ECT2: variants seen among roughly 807,000 people sequenced by gnomAD.
ECT2 encodes the protein protein ECT2.
Under a neutral mutation model 116.9 loss-of-function variants are expected in ECT2, and 61 were observed. That is an observed-to-expected ratio of 0.52 (90% CI 0.42 to 0.65). The LOEUF (loss-of-function observed/expected upper bound fraction) is 0.65. Among genes scored for constraint, ECT2 ranks in the 30% least tolerant of loss-of-function variants. The probability of loss-of-function intolerance (pLI) is 0.00; values close to 1 mark genes in which losing one functional copy is unlikely to be tolerated. For missense variants in ECT2, 937 were observed against 1,078.7 expected, an observed-to-expected ratio of 0.87 and a Z score of 1.84; for synonymous variants, 358 against 346.4, an observed-to-expected ratio of 1.03 and a Z score of -0.37.
intron 12 of ECT2, among the ~76,000 whole-genome samples, chr3:172,766,732 A>G (rs759062727): frequency 6.6e-6 from 1 of 152,242 alleles, no homozygotes; most frequent in Non-Finnish European, 1.5e-5. Context: ...TCCAAGTTAC[A>G]TTAAGGCAGA....
At chr3:172,754,435 A>T (rs546441313) in intron 1 of ECT2, 74 bp from the exon 2 acceptor site, 1 of 1,088,426 alleles carries the variant, frequency 9.2e-7, no homozygotes, top group East Asian at 2.9e-5. Flanking sequence ...AATTCTAGGT[A>T]AAAAGAGCCT....
intron 18 of ECT2, among the ~76,000 whole-genome samples, chr3:172,801,519 C>T (rs770487847): frequency 4.6e-5 from 7 of 152,166 alleles, no homozygotes; most frequent in African/African-American, 1.4e-4. Flanking sequence ...TTTTCTTACA[C>T]GCATACAGTG....
chr3:172,792,808 C>G (rs1724921690), intron 18 of ECT2, among the ~76,000 whole-genome samples: 1 of 152,098 alleles, frequency 6.6e-6, no homozygotes, highest in African/African-American at 2.4e-5. Flanking sequence ...ACCTCCACCT[C>G]CCAGGCTCAA....
intron 18 of ECT2, among the ~76,000 whole-genome samples, chr3:172,790,877 G>A (rs868457343): frequency 6.6e-6 from 1 of 152,170 alleles, no homozygotes; most frequent in African/African-American, 2.4e-5. Context: ...TAGCAGGGCC[G>A]GATGCAGTGG....
chr3:172,802,576 A>G (rs1225446863), intron 18 of ECT2, 40 bp from the exon 19 acceptor site: 1 of 1,266,796 alleles, frequency 7.9e-7, no homozygotes, highest in South Asian at 1.4e-5. Flanking sequence ...TGTAGTTTTC[A>G]TGTTCTATTT....
downstream of ECT2, among the ~76,000 whole-genome samples, chr3:172,825,209 C>T (rs187813806): frequency 2.2e-3 from 337 of 152,250 alleles, 1 homozygote; most frequent in African/African-American, 7.8e-3. Flanking sequence ...CTGCACCCAT[C>T]TAAGACTGAA....
rs759330813 is a variant in ECT2 at position 172,773,865 on chromosome 3, C to T, written c.1429-38C>T. On this transcript the variant is annotated intron_variant, in intron 13 of 24. Coordinates refer to ENST00000392692, the MANE Select transcript of ECT2 (RefSeq NM_001258315.2). ...TCTATCTTTTAGCTCTTTTCTTTTT[C>T]CCACAATCTACTTAAACTAGTCTTT... 2.5e-6 allele frequency: 4 copies of T among 1,590,108 alleles called. No individual in the cohort carries two copies. The African/African-American group carries it at 5.4e-5, about 22-fold the overall frequency.
chr3:172,767,708 A>G (rs1036030796), intron 12 of ECT2, among the ~76,000 whole-genome samples: 5 of 150,838 alleles, frequency 3.3e-5, no homozygotes, highest in African/African-American at 1.2e-4. Context: ...ATATATATCT[A>G]TAGATATGTG....
chr3:172,761,498 A>G (rs1285820741), intron 7 of ECT2, 112 bp from the exon 8 acceptor site: 11 of 658,414 alleles, frequency 1.7e-5, no homozygotes, highest in Non-Finnish European at 2.9e-5. Context: ...TTATTTTGTT[A>G]CAAAGCAGAT....
chr3:172,817,538 T>C (rs1729963974), intron 24 of ECT2, among the ~76,000 whole-genome samples: 1 of 152,106 alleles, frequency 6.6e-6, no homozygotes, highest in Admixed American at 6.6e-5. Context: ...ATTTTTGTGA[T>C]GAGTAGAATA....
At chr3:172,790,363 G>C (rs1368085133) in intron 18 of ECT2, among the ~76,000 whole-genome samples, 1 of 152,232 alleles carries the variant, frequency 6.6e-6, no homozygotes, top group African/African-American at 2.4e-5. Context: ...ACCAAGGGAA[G>C]AAAGGCTGGC....
chr3:172,791,989 A>C (rs772798426), intron 18 of ECT2, among the ~76,000 whole-genome samples: 9 of 152,114 alleles, frequency 5.9e-5, no homozygotes, highest in Non-Finnish European at 1.2e-4. Flanking sequence ...GTTGGTTATT[A>C]ATTTCAATAT....
chr3:172,821,156 T>C lies in ECT2; in HGVS notation c.*919T>C, dbSNP rs1284460710. On this transcript the variant is annotated 3_prime_UTR_variant, in exon 25 of 25. Transcript: ENST00000392692. The stretch of plus-strand genomic sequence containing the variant: ...GCATGTTCAACTTTTTATTGTGGTC[T>C]TATAATTAAATGTAAAATTGAAAAT... The C allele has an allele frequency of 6.6e-6, 1 of 151,964 alleles. No individual in the cohort carries two copies. Among genetic ancestry groups the C allele is most frequent in the Admixed American group, 6.6e-5 (1 of 15,232 alleles). The allele number at this position is 151,964 out of a possible 1,614,324, so 9.4% of individuals were successfully genotyped here.
chr3:172,751,345 C>T (rs1715768398), intron 1 of ECT2, among the ~76,000 whole-genome samples: 1 of 152,238 alleles, frequency 6.6e-6, no homozygotes, highest in Non-Finnish European at 1.5e-5. Flanking sequence ...ATGTGTCCGG[C>T]TTAGTGGTTA....
chr3:172,787,617 A>T (rs1260981539), intron 18 of ECT2, among the ~76,000 whole-genome samples: 1 of 152,174 alleles, frequency 6.6e-6, no homozygotes, highest in Admixed American at 6.6e-5. Flanking sequence ...TAGGACCAGG[A>T]TAACGGTATT....
At position 172,802,934 on chromosome 3, in the gene ECT2, A is replaced by C; in HGVS notation, c.2060A>C (p.Asp687Ala). 1 of 1,613,164 alleles carries C rather than the reference A, an allele frequency of 6.2e-7. No homozygotes were observed. The highest frequency in any genetic ancestry group is 8.5e-7 in the Non-Finnish European group (1 of 1,179,510). The change falls in exon 20 of 25, where the codon GAC becomes GCC. Residue 687 changes from aspartate (D) to alanine (A), a missense_variant. Physicochemically the swap from Asp to Ala is moderately radical, Grantham distance 126. Transcript: ENST00000392692. ...ETISLGEHPCDRGEQVTLFLF... is the reference protein window; with the variant it reads ...ETISLGEHPCARGEQVTLFLF... ...ATTTCTCTAGGTGAGCACCCCTGTGACAGAGGAGAACAAGTAACTCTCTTC... is the reference window on the plus strand; with the variant it reads ...ATTTCTCTAGGTGAGCACCCCTGTGCCAGAGGAGAACAAGTAACTCTCTTC...
At chr3:172,786,640 A>G (rs1723655070) in intron 18 of ECT2, 66 bp downstream of exon 18, 2 of 1,081,210 alleles carry the variant, frequency 1.8e-6, no homozygotes, top group Admixed American at 4.3e-5. Flanking sequence ...AGAAAACTAG[A>G]ATCATAAATA....
the ECT2 span, among the ~76,000 whole-genome samples, chr3:172,827,149 G>A: frequency 1.3e-5 from 2 of 152,216 alleles, no homozygotes; most frequent in African/African-American, 4.8e-5. Flanking sequence ...ATGTTTGTTC[G>A]AGAACATAAA....
chr3:172,775,374 A>G (rs1349863754), intron 14 of ECT2, among the ~76,000 whole-genome samples: 1 of 152,124 alleles, frequency 6.6e-6, no homozygotes, highest in Admixed American at 6.5e-5. Context: ...TTAAAATGAT[A>G]TTTACCAATT....
Sources: allele counts gnomAD v4.1 joint callset (sites outside exome capture counted in the v4.1 genomes callset), GRCh38; gene constraint gnomAD v4.1.1; transcripts MANE v1.5; gene names NCBI Gene and HGNC (gene_info 2026-07-23, HGNC 2026-07-21).